Variants in OR4F6 observed in about 807,000 individuals in gnomAD.
OR4F6 encodes olfactory receptor 4F6.
OR4F6 carries 13 observed loss-of-function variants against 15.9 expected under a neutral mutation model. That is an observed-to-expected ratio of 0.82 (90% CI 0.53 to 1.30). The LOEUF is 1.30. Ranked by LOEUF, OR4F6 falls within the 50% of genes most tolerant of loss-of-function variation. The pLI is 0.00. For synonymous variants in OR4F6, 150 were observed against 133.8 expected (o/e 1.12, Z -0.83); for missense variants, 426 against 367.2 (o/e 1.16, Z -1.31).
chr15:101,805,576 C>CAT (rs1339921137), intron 1 of OR4F6, 111 bp from the exon 2 acceptor site: 2 of 626,564 alleles, frequency 3.2e-6, no homozygotes, highest in Non-Finnish European at 5.6e-6. Context: ...TCTCTAAAGG[C>CAT]ATATATTAGC....
chr15:101,806,056 G>A lies in OR4F6; in HGVS notation c.337G>A (p.Val113Met), dbSNP rs779465313. 6.2e-7 allele frequency: 1 copy of A among 1,614,110 alleles called. No homozygotes were observed. Among genetic ancestry groups the A allele is most frequent in the East Asian group, 2.2e-5 (1 of 44,888 alleles). Residue 113 changes from valine to methionine, a missense_variant, in exon 2 of 2, where the codon GTG (valine) becomes ATG (methionine). Physicochemically the swap from Val to Met is conservative, Grantham distance 21. Coordinates refer to ENST00000328882, the MANE Select transcript of OR4F6 (RefSeq NM_001005326.2). The part of the protein sequence containing the change: ...FIHAVGGTEM[V>M]LLIAMAFDRY... ...CCATGCAGTTGGGGGAACTGAGATG[G>A]TGCTGCTCATAGCCATGGCTTTTGA...
intron 1 of OR4F6, among the ~76,000 whole-genome samples, chr15:101,804,700 G>C (rs993233932): frequency 1.3e-5 from 2 of 152,144 alleles, no homozygotes; most frequent in African/African-American, 4.8e-5. Context: ...ACAAAGTGTG[G>C]TACATAAAGA....
chr15:101,804,024 T>C (rs1301094079), intron 1 of OR4F6, among the ~76,000 whole-genome samples: 1 of 152,252 alleles, frequency 6.6e-6, no homozygotes, highest in African/African-American at 2.4e-5. Flanking sequence ...CAACTTGTTC[T>C]GGAGCTTTAG....
rs753885969 is a variant in OR4F6, at chr15:101,805,803, C to A, written c.84C>A (p.Phe28Leu). The change falls in exon 2 of 2, where the codon TTC becomes TTA. Residue 28 changes from phenylalanine to leucine, a missense_variant. Physicochemically the swap from Phe to Leu is conservative, Grantham distance 22. Transcript: ENST00000328882. ...CGCGGAAGATCCAGCTCCTCCTCTT[C>A]CTCTTTTTCTCAGTGTTCTATGTGT... Reference protein sequence around the residue: ...SDSRKIQLLLFLFFSVFYVSS... With the variant: ...SDSRKIQLLLLLFFSVFYVSS... 6 of 1,614,008 alleles carry A rather than the reference C, an allele frequency of 3.7e-6. No individual in the cohort carries two copies. Among genetic ancestry groups the A allele is most frequent in the Non-Finnish European group, 4.2e-6 (5 of 1,180,000 alleles).
Position 101,806,722 on chromosome 15 carries a change from A to G in OR4F6, c.*64A>G. On this transcript the variant is annotated 3_prime_UTR_variant, in exon 2 of 2. Coordinates refer to ENST00000328882, the MANE Select transcript of OR4F6 (RefSeq NM_001005326.2). ...ATTTCAGACAGATATGTGTTAAGTA[A>G]GCTATGTTAAATTTAACCAGAATAT... The G allele has an allele frequency of 1.1e-6, 1 of 937,218 alleles. No homozygotes were observed. The highest frequency in any genetic ancestry group is 3.0e-5 in the Admixed American group (1 of 33,276). The allele number at this position is 937,218 out of a possible 1,614,324, so 58.1% of individuals were successfully genotyped here.
In OR4F6 at chr15:101,805,892, C is replaced by T; in HGVS notation, c.173C>T (p.Pro58Leu). Residue 58 changes from proline to leucine, a missense_variant, in exon 2 of 2, where the codon CCC becomes CTC. Coordinates refer to ENST00000328882, the MANE Select transcript of OR4F6 (RefSeq NM_001005326.2). ...TVTSDPRLQS[P>L]MYFLLANLSI... ...ACCTCTGACCCTCGTTTACAGTCCC[C>T]CATGTACTTCCTGCTGGCCAACCTT... is the stretch of plus-strand genomic sequence containing the variant. 6.2e-7 allele frequency: 1 copy of T among 1,614,166 alleles called. No homozygotes were observed. The highest frequency in any genetic ancestry group is 8.5e-7 in the Non-Finnish European group (1 of 1,180,048).
In OR4F6 at chr15:101,806,297, A is replaced by G. The variant is rs1249660904; in HGVS notation, c.578A>G (p.Tyr193Cys). 1 of 1,613,902 alleles carries G rather than the reference A, an allele frequency of 6.2e-7. No individual in the cohort carries two copies. The highest frequency in any genetic ancestry group is 8.5e-7 in the Non-Finnish European group (1 of 1,179,762). ...RFIKLACIETYTLGFMVTANS... is the reference protein window; with the variant it reads ...RFIKLACIETCTLGFMVTANS... ...ATCAAACTGGCTTGCATAGAGACCT[A>G]CACATTGGGATTCATGGTTACTGCC... The change falls in exon 2 of 2, where the codon TAC becomes TGC. Residue 193 changes from tyrosine (Y) to cysteine (C), a missense_variant. Transcript: ENST00000328882.
At chr15:101,804,887 T>C (rs1217494569) in intron 1 of OR4F6, among the ~76,000 whole-genome samples, 1 of 152,168 alleles carries the variant, frequency 6.6e-6, no homozygotes, top group Non-Finnish European at 1.5e-5. Context: ...AACAAAAGTC[T>C]TGTGTAAAAA....
At chr15:101,804,689 T>C (rs1902767863) in intron 1 of OR4F6, among the ~76,000 whole-genome samples, 1 of 152,172 alleles carries the variant, frequency 6.6e-6, no homozygotes, top group Admixed American at 6.5e-5. Context: ...TGGGGACTAA[T>C]ACAAAGTGTG....
At position 101,805,675 on chromosome 15, in the gene OR4F6, C is replaced by G; in HGVS notation, c.-33-12C>G. 6.9e-7 allele frequency: 1 copy of G among 1,458,700 alleles called. No homozygotes were observed. Among genetic ancestry groups the G allele is most frequent in the Non-Finnish European group, 9.4e-7 (1 of 1,064,888 alleles). 90.4% of individuals were successfully genotyped at this position (1,458,700 alleles called of 1,614,324 possible). A position where few individuals can be genotyped will look rare whatever the true frequency, so the allele number is the denominator to read the frequency against. ...TCCTAAATCAAAGTTTCTCCTTACT[C>G]TCCTCTTTCAGTTAGCATGAGAGTT... On this transcript the variant is annotated splice_polypyrimidine_tract_variant and intron_variant, in intron 1 of 1. Coordinates refer to ENST00000328882, the MANE Select transcript of OR4F6 (RefSeq NM_001005326.2).
chr15:101,803,723 G>A (rs1236247712), intron 1 of OR4F6, among the ~76,000 whole-genome samples, 178 bp downstream of exon 1: 1 of 152,210 alleles, frequency 6.6e-6, no homozygotes, highest in Non-Finnish European at 1.5e-5. Flanking sequence ...AATGAGTAGA[G>A]TCAAGTCATG....
At chr15:101,805,569 CTAAAGGCA>C in intron 1 of OR4F6, 110 bp from the exon 2 acceptor site, 1 of 617,622 alleles carries the variant, frequency 1.6e-6, no homozygotes. Flanking sequence ...GAAATTGTCT[CTAAAGGCA>C]TATATTAGCC....
rs1384755737 is a variant in OR4F6 at position 101,806,347 on chromosome 15, T to C, written c.628T>C (p.Ser210Pro). 6.2e-7 allele frequency: 1 copy of C among 1,614,132 alleles called. No homozygotes were observed. Among genetic ancestry groups the C allele is most frequent in the Admixed American group, 1.7e-5 (1 of 60,028 alleles). The change falls in exon 2 of 2, where the codon TCT becomes CCT. Residue 210 changes from serine to proline, a missense_variant. Physicochemically the swap from Ser to Pro is moderately conservative, Grantham distance 74 (BLOSUM62 -1). Transcript: ENST00000328882. ...CAATAGTGGATTTATTTCTCTGGCT[T>C]CTTTTTTAATTCTCATAATCTCTTA... is the stretch of plus-strand genomic sequence containing the variant. ...TANSGFISLASFLILIISYIF... is the reference protein window; with the variant it reads ...TANSGFISLAPFLILIISYIF...
rs756028516 is a variant in OR4F6 at position 101,806,575 on chromosome 15, A to T, written c.856A>T (p.Ile286Phe). The change falls in exon 2 of 2, where the codon ATC (isoleucine) becomes TTC (phenylalanine). Residue 286 changes from isoleucine (I) to phenylalanine (F), a missense_variant. Physicochemically the swap from Ile to Phe is conservative, Grantham distance 21. Transcript: ENST00000328882. ...AVITPVLNPV[I>F]YTFRNKEMMV... ...TATCACTCCCGTTTTGAATCCAGTC[A>T]TCTATACTTTTAGAAATAAAGAGAT... The T allele has an allele frequency of 6.2e-7, 1 of 1,612,762 alleles. No individual in the cohort carries two copies. Among genetic ancestry groups the T allele is most frequent in the South Asian group, 1.1e-5 (1 of 90,654 alleles).
chr15:101,806,294 C>A lies in OR4F6; in HGVS notation c.575C>A (p.Thr192Asn), dbSNP rs1361291854. ...PRFIKLACIE[T>N]YTLGFMVTAN... ...TTTATCAAACTGGCTTGCATAGAGA[C>A]CTACACATTGGGATTCATGGTTACT... is the stretch of plus-strand genomic sequence containing the variant. The change falls in exon 2 of 2, where the codon ACC becomes AAC. Residue 192 changes from threonine to asparagine, a missense_variant. Transcript: ENST00000328882. The A allele has an allele frequency of 2.7e-6, 4 of 1,505,572 alleles. No homozygotes were observed. The East Asian group carries it at 1.0e-4, about 38-fold the overall frequency. The allele number at this position is 1,505,572 out of a possible 1,614,324, so 93.3% of individuals were successfully genotyped here.
intron 1 of OR4F6, among the ~76,000 whole-genome samples, chr15:101,805,233 G>T (rs1290098549): frequency 6.6e-6 from 1 of 152,100 alleles, no homozygotes; most frequent in Non-Finnish European, 1.5e-5. Context: ...AAAGGTTTTT[G>T]GTTTGGTTAC....
intron 1 of OR4F6, among the ~76,000 whole-genome samples, chr15:101,804,538 C>A (rs1474857135): frequency 6.6e-6 from 1 of 152,204 alleles, no homozygotes; most frequent in African/African-American, 2.4e-5. Context: ...ACTGCAAAGG[C>A]ACACTGGGAT....
chr15:101,806,537 T>C lies in OR4F6; in HGVS notation c.818T>C (p.Ile273Thr). 1 of 1,613,900 alleles carries C rather than the reference T, an allele frequency of 6.2e-7. No homozygotes were observed. The highest frequency in any genetic ancestry group is 8.5e-7 in the Non-Finnish European group (1 of 1,179,872). ...TCACATCTTGATAAATTCCTTGCCATCTTTGATGCAGTTATCACTCCCGTT... is the reference window on the plus strand; with the variant it reads ...TCACATCTTGATAAATTCCTTGCCACCTTTGATGCAGTTATCACTCCCGTT... Reference protein sequence around the residue: ...PTSHLDKFLAIFDAVITPVLN... With the variant: ...PTSHLDKFLATFDAVITPVLN... Residue 273 changes from isoleucine (I) to threonine (T), a missense_variant, in exon 2 of 2, where the codon ATC (isoleucine) becomes ACC (threonine). Coordinates refer to ENST00000328882, the MANE Select transcript of OR4F6 (RefSeq NM_001005326.2).
intron 1 of OR4F6, among the ~76,000 whole-genome samples, chr15:101,804,964 G>A (rs1470323708): frequency 6.6e-6 from 1 of 152,182 alleles, no homozygotes; most frequent in African/African-American, 2.4e-5. Flanking sequence ...CTTCTAGGGA[G>A]CAATTTAGAA....
Sources: gnomAD v4.1 joint callset for allele counts (sites outside exome capture counted in the v4.1 genomes callset) on GRCh38, gnomAD v4.1.1 for gene constraint, MANE v1.5 for transcripts, NCBI Gene and HGNC (gene_info 2026-07-23, HGNC 2026-07-21) for gene names.